SOS1: variants seen among roughly 807,000 people sequenced by gnomAD.
SOS1 encodes son of sevenless homolog 1.
Under a neutral mutation model 157.6 loss-of-function variants are expected in SOS1, and 25 were observed. The ratio of observed to expected loss-of-function variants is 0.16; its 90% CI spans 0.12 to 0.22. The LOEUF (loss-of-function observed/expected upper bound fraction) is 0.22. Among genes scored for constraint, SOS1 ranks in the 10% least tolerant of loss-of-function variants. The probability of loss-of-function intolerance (pLI) is 1.00; values close to 1 mark genes in which losing one functional copy is unlikely to be tolerated. For missense variants in SOS1, 1,237 were observed against 1,599.1 expected (o/e 0.77, Z 3.86); for synonymous variants, 528 against 534.0 (o/e 0.99, Z 0.16).
upstream of SOS1, among the ~76,000 whole-genome samples, chr2:39,122,183 A>C (rs1369748615): frequency 6.6e-6 from 1 of 152,120 alleles, no homozygotes; most frequent in East Asian, 1.9e-4. Flanking sequence ...TAATCCCAGC[A>C]CTTTAGGAGG....
intron 2 of SOS1, among the ~76,000 whole-genome samples, chr2:39,064,785 G>C (rs976954773): frequency 1.0e-4 from 11 of 104,934 alleles, no homozygotes; most frequent in African/African-American, 4.3e-4. Context: ...GTCTTGCTCT[G>C]TCACCCAGGC....
rs558150580 is a variant in SOS1 at position 39,074,659 on chromosome 2, G to A, written c.88-6906C>T. Among the ~76,000 whole-genome samples the A allele has an allele frequency of 4.6e-5, 7 of 152,224 alleles. 2 individuals are homozygous for A. The South Asian group carries it at 1.5e-3, about 32-fold the overall frequency. ...GAGGCAGGCAGATCACCTGAGGTCAGGAGTTCAAGACCAGCCTGACCAACA... is the reference window on the plus strand; with the variant it reads ...GAGGCAGGCAGATCACCTGAGGTCAAGAGTTCAAGACCAGCCTGACCAACA... On this transcript the variant is annotated intron_variant, in intron 1 of 22. Transcript: ENST00000402219.
chr2:39,064,737 A>G (rs1192667994), intron 2 of SOS1, among the ~76,000 whole-genome samples: 2 of 122,622 alleles, frequency 1.6e-5, no homozygotes, highest in Admixed American at 9.9e-5. Flanking sequence ...CTATTTTTAA[A>G]ATACATTTTT....
intron 6 of SOS1, among the ~76,000 whole-genome samples, chr2:39,044,298 G>C (rs559992519): frequency 1.4e-3 from 214 of 152,304 alleles, no homozygotes; most frequent in African/African-American, 5.0e-3. Context: ...GTTGCAGTGA[G>C]CCAAGATCAC....
intron 8 of SOS1, among the ~76,000 whole-genome samples, chr2:39,031,900 C>G (rs1473295804): frequency 6.6e-6 from 1 of 152,134 alleles, no homozygotes; most frequent in Non-Finnish European, 1.5e-5. Context: ...AAAAAATTAA[C>G]TTTAACTTTT....
intron 10 of SOS1, among the ~76,000 whole-genome samples, chr2:39,015,452 T>C (rs944387645): frequency 5.3e-5 from 8 of 152,108 alleles, no homozygotes; most frequent in African/African-American, 1.9e-4. Context: ...ATATGTTGGT[T>C]TGGTCCTATT....
chr2:39,100,502 G>A (rs1156438861), intron 1 of SOS1, among the ~76,000 whole-genome samples: 1 of 152,196 alleles, frequency 6.6e-6, no homozygotes, highest in Non-Finnish European at 1.5e-5. Flanking sequence ...ACTGCCATTT[G>A]CAACTACACG....
At chr2:39,013,117 A>G (rs916849453) in intron 13 of SOS1, among the ~76,000 whole-genome samples, 1 of 152,016 alleles carries the variant, frequency 6.6e-6, no homozygotes, top group African/African-American at 2.4e-5. Context: ...CTCTGATTCT[A>G]TTTGCCTGTG....
Position 39,070,657 on chromosome 2 carries a change from AAAG to A in SOS1, c.88-2907_88-2905del, listed in dbSNP as rs375263775. Among the ~76,000 whole-genome samples the A allele has an allele frequency of 2.6e-4, 40 of 152,320 alleles. No homozygotes were observed. In the East Asian group the frequency reaches 6.7e-3, roughly 26 times the overall value. On this transcript the variant is annotated intron_variant, in intron 1 of 22. Transcript: ENST00000402219. Reference sequence around the variant, plus strand: ...CAAAATCTCAAACTTAACATGAAAAAAAGAAGAACTTAAGTATTTTAGAAAAAC... The same window carrying A: ...CAAAATCTCAAACTTAACATGAAAAAAAGAACTTAAGTATTTTAGAAAAAC...
chr2:39,005,654 A>C (rs1228538035), intron 17 of SOS1, among the ~76,000 whole-genome samples: 1 of 152,124 alleles, frequency 6.6e-6, no homozygotes, highest in Non-Finnish European at 1.5e-5. Flanking sequence ...ATATATTAAA[A>C]GTATCAGGAC....
intron 1 of SOS1, among the ~76,000 whole-genome samples, chr2:39,083,021 G>A (rs1672261681): frequency 6.6e-6 from 1 of 152,148 alleles, no homozygotes; most frequent in African/African-American, 2.4e-5. Context: ...CAGAGTTGTA[G>A]CAAGTTATCT....
Position 39,051,222 on chromosome 2 carries a change from A to G in SOS1, c.786T>C (p.His262=). The G allele has an allele frequency of 6.2e-7, 1 of 1,612,528 alleles. No individual in the cohort carries two copies. Among genetic ancestry groups the G allele is most frequent in the Non-Finnish European group, 8.5e-7 (1 of 1,178,630 alleles). The change falls in exon 6 of 23, where the codon CAT becomes CAC. Residue 262 remains histidine, a synonymous_variant. Coordinates refer to ENST00000402219, the MANE Select transcript of SOS1 (RefSeq NM_005633.4). ...IHELSVKLLG[H]IEDTVEMTDE... is the part of the protein sequence containing the mutation. ...CTGTCATTTCTACTGTATCTTCTAT[A>G]TGGCCCAGTAACTTTACACTAAGTT...
intron 2 of SOS1, among the ~76,000 whole-genome samples, chr2:39,064,390 A>T (rs779783003): frequency 6.6e-6 from 1 of 152,206 alleles, no homozygotes; most frequent in Non-Finnish European, 1.5e-5. Flanking sequence ...GGGCACAAAC[A>T]TTTGGACCAT....
Position 38,982,695 on chromosome 2 carries a change from G to GAGTC in SOS1, c.*3125_*3128dup, listed in dbSNP as rs758269144. 4 of 152,130 alleles carry GAGTC rather than the reference G, an allele frequency of 2.6e-5. No individual in the cohort carries two copies. The highest frequency in any genetic ancestry group is 5.9e-5 in the Non-Finnish European group (4 of 68,002). The allele number at this position is 152,130 out of a possible 1,614,324, so 9.4% of individuals were successfully genotyped here. A position where few individuals can be genotyped will look rare whatever the true frequency, so the allele number is the denominator to read the frequency against. On this transcript the variant is annotated 3_prime_UTR_variant, in exon 23 of 23. Coordinates refer to ENST00000402219, the MANE Select transcript of SOS1 (RefSeq NM_005633.4). ...ATTGGGACACTCCTCCTATTTTGCT[G>GAGTC]AGTCACTTAAAAATCTGAATTTAAG...
chr2:39,051,834 A>G (rs1485927289), intron 5 of SOS1, among the ~76,000 whole-genome samples: 1 of 152,188 alleles, frequency 6.6e-6, no homozygotes, highest in East Asian at 1.9e-4. Flanking sequence ...GTTGTGACAC[A>G]TTATTTCAAA....
chr2:39,021,830 A>G (rs571080936), intron 10 of SOS1, among the ~76,000 whole-genome samples: 6 of 151,910 alleles, frequency 3.9e-5, no homozygotes, highest in Admixed American at 3.9e-4. Context: ...TTATAGTTGT[A>G]GTCTAGATCA....
rs1311823976 is a variant in SOS1, at chr2:38,984,087, AAATT to A, written c.*1733_*1736del. On this transcript the variant is annotated 3_prime_UTR_variant, in exon 23 of 23. Transcript: ENST00000402219. Reference sequence around the variant, plus strand: ...TTTATGCTCTAATAAATATCATAGGAAATTATTAAAGTACTAGGTTCCCACCATG... The same window carrying A: ...TTTATGCTCTAATAAATATCATAGGAATTAAAGTACTAGGTTCCCACCATG... 6.6e-6 allele frequency: 1 copy of A among 152,168 alleles called. No homozygotes were observed. Among genetic ancestry groups the A allele is most frequent in the East Asian group, 1.9e-4 (1 of 5,190 alleles). The allele number at this position is 152,168 out of a possible 1,614,324, so 9.4% of individuals were successfully genotyped here.
rs1362181978 is a variant in SOS1, at chr2:39,013,953, A to G, written c.1977T>C (p.Asp659=). Residue 659 remains aspartate (D), a synonymous_variant, in exon 12 of 23, where the codon GAT becomes GAC. Coordinates refer to ENST00000402219, the MANE Select transcript of SOS1 (RefSeq NM_005633.4). ...GATCTCCATTCTCTATAGCTATGCGATCAGCTTCTGTTGGCTCAGGCTCTG... is the reference window on the plus strand; with the variant it reads ...GATCTCCATTCTCTATAGCTATGCGGTCAGCTTCTGTTGGCTCAGGCTCTG... ...EIPEPEPTEA[D]RIAIENGDQP... 2 of 1,606,370 alleles carry G rather than the reference A, an allele frequency of 1.2e-6. No homozygotes were observed. The highest frequency in any genetic ancestry group is 2.7e-5 in the African/African-American group (2 of 74,754).
chr2:39,123,422 A>G (rs1487364018), upstream of SOS1, among the ~76,000 whole-genome samples: 1 of 151,362 alleles, frequency 6.6e-6, no homozygotes, highest in Non-Finnish European at 1.5e-5. Context: ...TGCAGGCGGA[A>G]TCTTGGCTCA....
Sources: allele counts gnomAD v4.1 joint callset (sites outside exome capture counted in the v4.1 genomes callset), GRCh38; gene constraint gnomAD v4.1.1; transcripts MANE v1.5; gene names NCBI Gene and HGNC (gene_info 2026-07-23, HGNC 2026-07-21).